The following MCU variants were observed in gnomAD, a reference collection of about 807,000 sequenced individuals.
The protein encoded by MCU is calcium uniporter protein, mitochondrial.
In MCU, 12 loss-of-function variants were observed where a neutral mutation model predicts 45.2. The observed-to-expected ratio is 0.27, with a 90% CI of 0.17 to 0.43. The LOEUF (loss-of-function observed/expected upper bound fraction) is 0.43. MCU is among the 20% of genes least tolerant of loss of function. The pLI is 1.00. For missense variants in MCU, 324 were observed against 436.7 expected, an observed-to-expected ratio of 0.74 and a Z score of 2.30; for synonymous variants, 160 against 165.1, an observed-to-expected ratio of 0.97 and a Z score of 0.24.
intron 1 of MCU, among the ~76,000 whole-genome samples, chr10:72,759,323 A>T (rs1843622334): frequency 6.6e-6 from 1 of 152,136 alleles, no homozygotes; most frequent in Non-Finnish European, 1.5e-5. Context: ...ATTAGATCGG[A>T]ACAAAACAGG....
At chr10:72,838,353 C>G (rs1844986942) in intron 2 of MCU, among the ~76,000 whole-genome samples, 1 of 152,096 alleles carries the variant, frequency 6.6e-6, no homozygotes, top group African/African-American at 2.4e-5. Context: ...GTGGCTCATG[C>G]CTGTAAACCC....
At position 72,886,387 on chromosome 10, in the gene MCU, T is replaced by C. The variant is rs1845775565; in HGVS notation, c.*565T>C. ...CTGTACCTCTTGGTTACACTCATTT[T>C]TTCCATTTGATAATTGGAACCAACT... On this transcript the variant is annotated 3_prime_UTR_variant, in exon 8 of 8. Transcript: ENST00000373053. The C allele has an allele frequency of 6.5e-6, 1 of 152,696 alleles. No individual in the cohort carries two copies. The highest frequency in any genetic ancestry group is 1.5e-5 in the Non-Finnish European group (1 of 68,196). 9.5% of individuals were successfully genotyped at this position (152,696 alleles called of 1,614,324 possible).
intron 1 of MCU, among the ~76,000 whole-genome samples, chr10:72,700,923 C>T (rs368421369): frequency 2.0e-5 from 3 of 152,286 alleles, no homozygotes; most frequent in East Asian, 3.9e-4. Context: ...CAGAAAACTA[C>T]TGAGGAGTCC....
intron 2 of MCU, among the ~76,000 whole-genome samples, chr10:72,840,033 C>T (rs559997416): frequency 1.4e-5 from 2 of 147,808 alleles, no homozygotes; most frequent in East Asian, 2.0e-4. Flanking sequence ...GACATGTTTT[C>T]ATTCTTCTTG....
intron 2 of MCU, among the ~76,000 whole-genome samples, chr10:72,839,943 G>A (rs1845022693): frequency 7.9e-6 from 1 of 126,472 alleles, no homozygotes; most frequent in Non-Finnish European, 1.6e-5. Flanking sequence ...CAGCCTGGGT[G>A]ACAAAGCGAG....
chr10:72,824,810 G>T (rs1844772054), intron 1 of MCU, among the ~76,000 whole-genome samples: 1 of 152,144 alleles, frequency 6.6e-6, no homozygotes, highest in African/African-American at 2.4e-5. Flanking sequence ...TTATATTTGT[G>T]AGTGGTAACT....
At chr10:72,755,099 C>T (rs1179229403) in intron 1 of MCU, among the ~76,000 whole-genome samples, 2 of 151,542 alleles carry the variant, frequency 1.3e-5, no homozygotes, top group African/African-American at 2.4e-5. Flanking sequence ...TCTCAGACTA[C>T]CTGGGGTCAA....
At chr10:72,823,945 G>A (rs1844753059) in intron 1 of MCU, among the ~76,000 whole-genome samples, 1 of 152,064 alleles carries the variant, frequency 6.6e-6, no homozygotes, top group Non-Finnish European at 1.5e-5. Flanking sequence ...CAGCTACTCA[G>A]GAGGCTGAGG....
At chr10:72,875,242 T>C (rs1845600390) in intron 6 of MCU, among the ~76,000 whole-genome samples, 1 of 152,124 alleles carries the variant, frequency 6.6e-6, no homozygotes, top group Admixed American at 6.5e-5. Context: ...AAACTATAAT[T>C]AGAATAGATA....
chr10:72,728,325 G>C (rs935398510), intron 1 of MCU, among the ~76,000 whole-genome samples: 3 of 152,164 alleles, frequency 2.0e-5, no homozygotes, highest in Admixed American at 6.5e-5. Flanking sequence ...GGATTTATGG[G>C]ATGAGAAATT....
chr10:72,880,807 A>T (rs1472736222), intron 6 of MCU, among the ~76,000 whole-genome samples: 1 of 152,150 alleles, frequency 6.6e-6, no homozygotes, highest in Non-Finnish European at 1.5e-5. Context: ...ATAGAAACAG[A>T]CCCAGTATAA....
chr10:72,804,017 AATATATATAT>A (rs35518652), intron 1 of MCU, among the ~76,000 whole-genome samples: 825 of 34,658 alleles, frequency 0.024, 25 homozygotes, highest in Non-Finnish European at 0.04. Flanking sequence ...AATGTAAGTA[AATATATATAT>A]ATATATATAT....
chr10:72,857,206 C>T (rs752562013), intron 2 of MCU, among the ~76,000 whole-genome samples: 1 of 151,896 alleles, frequency 6.6e-6, no homozygotes, highest in African/African-American at 2.4e-5. Flanking sequence ...GTATTTCACT[C>T]ATTTCTCACA....
intron 1 of MCU, among the ~76,000 whole-genome samples, chr10:72,808,313 G>T (rs1900133): frequency 0.46 from 69,784 of 152,018 alleles, 20,062 homozygotes; most frequent in Non-Finnish European, 0.67. Context: ...GTAGAAATTT[G>T]TGAGGCAAGA....
intron 2 of MCU, among the ~76,000 whole-genome samples, chr10:72,835,658 C>T (rs189353563): frequency 2.6e-5 from 4 of 152,212 alleles, no homozygotes; most frequent in African/African-American, 9.6e-5. Context: ...GAAGAAAAAT[C>T]CATTGTGATT....
intron 1 of MCU, among the ~76,000 whole-genome samples, chr10:72,784,316 G>A (rs531546888): frequency 2.6e-5 from 4 of 152,238 alleles, no homozygotes; most frequent in Admixed American, 1.3e-4. Flanking sequence ...GGAAAATGTT[G>A]CTCTGTTTTG....
intron 1 of MCU, among the ~76,000 whole-genome samples, chr10:72,764,720 T>C (rs1038487141): frequency 1.1e-4 from 16 of 152,280 alleles, no homozygotes; most frequent in African/African-American, 3.8e-4. Context: ...AGATATGGGC[T>C]GCAGTCTACT....
chr10:72,873,020 T>G (rs1445361380), intron 6 of MCU, among the ~76,000 whole-genome samples: 7 of 137,360 alleles, frequency 5.1e-5, no homozygotes, highest in African/African-American at 1.4e-4. Flanking sequence ...TGGGTTTTTT[T>G]TTTTTTTTTT....
At chr10:72,739,820 G>C in intron 1 of MCU, among the ~76,000 whole-genome samples, 1 of 151,606 alleles carries the variant, frequency 6.6e-6, no homozygotes. Context: ...GGGATTACAG[G>C]TGCACACCAC....
Sources: allele counts gnomAD v4.1 joint callset (sites outside exome capture counted in the v4.1 genomes callset), GRCh38; gene constraint gnomAD v4.1.1; transcripts MANE v1.5; gene names NCBI Gene and HGNC (gene_info 2026-07-23, HGNC 2026-07-21).